Variants in TTYH1 observed in about 807,000 individuals in gnomAD.
The protein encoded by TTYH1 is tweety family member 1, also known as protein tweety homolog 1.
In TTYH1, 33 loss-of-function variants were observed where a neutral mutation model predicts 61.2. That is an observed-to-expected ratio of 0.54 (90% CI 0.41 to 0.72). The LOEUF (loss-of-function observed/expected upper bound fraction) is 0.72, where lower values mean the gene tolerates loss of function less well. TTYH1 is among the 30% of genes least tolerant of loss of function. The pLI is 0.00. For synonymous variants in TTYH1, 308 were observed against 266.4 expected, an observed-to-expected ratio of 1.16 and a Z score of -1.52; for missense variants, 538 against 575.8, an observed-to-expected ratio of 0.93 and a Z score of 0.67.
At position 54,422,170 on chromosome 19, in the gene TTYH1, A is replaced by G. The variant is rs775139253; in HGVS notation, c.418-20A>G. On this transcript the variant is annotated intron_variant, in intron 3 of 13. Coordinates refer to ENST00000376530, the MANE Select transcript of TTYH1 (RefSeq NM_020659.4). ...CCCCCAGGATGTCCTTCCAGACCTC[A>G]GCCCCTGTCCTATCCCCAGGTGTTG... 4.6e-6 allele frequency: 7 copies of G among 1,536,612 alleles called. No homozygotes were observed. The highest frequency in any genetic ancestry group is 6.2e-6 in the Non-Finnish European group (7 of 1,136,558).
intron 10 of TTYH1, 52 bp from the exon 11 acceptor site, chr19:54,435,490 G>T: frequency 6.5e-7 from 1 of 1,547,082 alleles, no homozygotes; most frequent in Non-Finnish European, 8.7e-7. Context: ...CACAGTGTGT[G>T]CCGATGGGGG....
chr19:54,422,261 G>T lies in TTYH1; in HGVS notation c.489G>T (p.Glu163Asp). The T allele has an allele frequency of 1.3e-6, 2 of 1,565,688 alleles. No homozygotes were observed. The highest frequency in any genetic ancestry group is 2.7e-5 in the African/African-American group (2 of 74,490). Reference sequence around the variant, plus strand: ...TGACCACCCTGGAGGAGGTGCTCGAGCCGCGCACGGAGCTGGTGGCTGCCG... The same window carrying T: ...TGACCACCCTGGAGGAGGTGCTCGATCCGCGCACGGAGCTGGTGGCTGCCG... Reference protein sequence around the residue: ...TELTTLEEVLEPRTELVAAAR... With the variant: ...TELTTLEEVLDPRTELVAAAR... The change falls in exon 4 of 14, where the codon GAG becomes GAT. Residue 163 changes from glutamate to aspartate, a missense_variant. This residue lies in a region of TTYH1 where 378 missense variants were observed against 401.2 expected (regional missense o/e 0.94). Coordinates refer to ENST00000376530, the MANE Select transcript of TTYH1 (RefSeq NM_020659.4).
chr19:54,422,516 AGT>A (rs1053004746), intron 4 of TTYH1, 106 bp downstream of exon 4: 33 of 967,402 alleles, frequency 3.4e-5, no homozygotes, highest in Non-Finnish European at 4.9e-5. Context: ...ACAGCTGGGG[AGT>A]GTGTGCGCAC....
At chr19:54,417,763 C>T (rs572923449) in intron 1 of TTYH1, among the ~76,000 whole-genome samples, 143 of 151,986 alleles carry the variant, frequency 9.4e-4, no homozygotes, top group Admixed American at 9.1e-3. Context: ...CATGTGCACA[C>T]ACACACTCAC....
Position 54,416,011 on chromosome 19 carries a change from G to T in TTYH1, c.126+333G>T. ...AGCCGGCCTCCAGGGTCATCGGGAGGGTAGGTCTACTCTTCCTGCCCTAAA... is the reference window on the plus strand; with the variant it reads ...AGCCGGCCTCCAGGGTCATCGGGAGTGTAGGTCTACTCTTCCTGCCCTAAA... On this transcript the variant is annotated intron_variant, in intron 1 of 13. Coordinates refer to ENST00000376530, the MANE Select transcript of TTYH1 (RefSeq NM_020659.4). This position sits in a 1 kb window ranked among gnomAD's most constrained non-coding sequence, Gnocchi z 7.0. The T allele has an allele frequency of 1.5e-6, 2 of 1,336,700 alleles. No homozygotes were observed. Among genetic ancestry groups the T allele is most frequent in the Non-Finnish European group, 2.0e-6 (2 of 1,010,164 alleles). The allele number at this position is 1,336,700 out of a possible 1,614,324, so 82.8% of individuals were successfully genotyped here.
chr19:54,428,909 A>T (rs2083381044), intron 5 of TTYH1, among the ~76,000 whole-genome samples: 1 of 152,098 alleles, frequency 6.6e-6, no homozygotes, highest in African/African-American at 2.4e-5. Context: ...TTCAGATTTC[A>T]GCCCTGGCAC....
chr19:54,429,398 C>T lies in TTYH1; in HGVS notation c.807+19C>T. The T allele has an allele frequency of 6.2e-7, 1 of 1,611,640 alleles. No individual in the cohort carries two copies. Among genetic ancestry groups the T allele is most frequent in the Non-Finnish European group, 8.5e-7 (1 of 1,178,482 alleles). ...GGCCGTGGTGAGTGCCAGGGCCGGG[C>T]CATTGGGCTCTGGGACTCAGGGGGC... On this transcript the variant is annotated intron_variant, in intron 6 of 13. Coordinates refer to ENST00000376530, the MANE Select transcript of TTYH1 (RefSeq NM_020659.4). This position sits in a 1 kb window ranked among gnomAD's most constrained non-coding sequence, Gnocchi z 5.1.
chr19:54,435,761 G>C (rs1470315342), intron 11 of TTYH1, 67 bp from the exon 12 acceptor site: 7 of 1,612,732 alleles, frequency 4.3e-6, no homozygotes, highest in Non-Finnish European at 4.2e-6. Context: ...GGCAGTGGGG[G>C]TGGGGGGTGC....
At chr19:54,418,992 C>A in intron 1 of TTYH1, 136 bp from the exon 2 acceptor site, 1 of 876,714 alleles carries the variant, frequency 1.1e-6, no homozygotes, top group Non-Finnish European at 1.7e-6. Flanking sequence ...CCCAATCTCC[C>A]CCAAGATTAG....
In TTYH1 at chr19:54,420,985, C is replaced by G. The variant is rs184036632; in HGVS notation, c.306-292C>G. On this transcript the variant is annotated intron_variant, in intron 2 of 13. Coordinates refer to ENST00000376530, the MANE Select transcript of TTYH1 (RefSeq NM_020659.4). The surrounding 1 kb of genome is among the most constrained non-coding windows in gnomAD (Gnocchi z 4.8). ...CCCGGAGCTGGGTGTGACTGGGGTT[C>G]TGCTCCAGGGAGGTGCGAGTTAAAT... 3.1e-3 allele frequency among the ~76,000 whole-genome samples: 467 copies of G among 152,198 alleles called. 5 individuals carry two copies. The highest frequency in any genetic ancestry group is 0.011 in the African/African-American group (439 of 41,522).
chr19:54,428,092 T>G (rs1322654536), intron 5 of TTYH1, among the ~76,000 whole-genome samples: 2 of 140,404 alleles, frequency 1.4e-5, no homozygotes, highest in African/African-American at 5.4e-5. Flanking sequence ...TTTTTTTTTT[T>G]TTTTTTTTTT....
rs1192452068 is a variant in TTYH1 at position 54,420,061 on chromosome 19, A to C, written c.305+755A>C. Among the ~76,000 whole-genome samples the C allele has an allele frequency of 6.6e-6, 1 of 152,144 alleles. No homozygotes were observed. The highest frequency in any genetic ancestry group is 1.5e-5 in the Non-Finnish European group (1 of 68,028). On this transcript the variant is annotated intron_variant, in intron 2 of 13. Transcript: ENST00000376530. The surrounding 1 kb of genome is among the most constrained non-coding windows in gnomAD (Gnocchi z 4.8). ...TTCAAGGCCACGTGGCTTAAGAGGC[A>C]GCACAGAGATTCAGACCCAGGTTAG...
At position 54,421,245 on chromosome 19, in the gene TTYH1, G is replaced by A. The variant is rs371973880; in HGVS notation, c.306-32G>A. 2.2e-5 allele frequency: 33 copies of A among 1,510,532 alleles called. 1 individual carries two copies. Among genetic ancestry groups the A allele is most frequent in the South Asian group, 5.6e-5 (5 of 89,030 alleles). The allele number at this position is 1,510,532 out of a possible 1,614,324, so 93.6% of individuals were successfully genotyped here. A position where few individuals can be genotyped will look rare whatever the true frequency, so the allele number is the denominator to read the frequency against. Reference sequence around the variant, plus strand: ...GGTGGCCCCCGGGGTCCTGGGACCCGCTGAGATTCCTCTCCCTCCTCCTCC... The same window carrying A: ...GGTGGCCCCCGGGGTCCTGGGACCCACTGAGATTCCTCTCCCTCCTCCTCC... On this transcript the variant is annotated intron_variant, in intron 2 of 13. Coordinates refer to ENST00000376530, the MANE Select transcript of TTYH1 (RefSeq NM_020659.4). This position sits in a 1 kb window ranked among gnomAD's most constrained non-coding sequence, Gnocchi z 4.8.
rs139152564 is a variant in TTYH1 at position 54,435,561 on chromosome 19, G to A, written c.1145G>A (p.Arg382Gln). The A allele has an allele frequency of 7.2e-4, 1,151 of 1,606,428 alleles. 7 individuals are homozygous for A. The African/African-American group carries it at 0.012, about 17-fold the overall frequency. ...SLHKDYGAALRGLCEDALEGL... is the reference protein window; with the variant it reads ...SLHKDYGAALQGLCEDALEGL... ...CCTCAGGACTATGGTGCAGCCCTGC[G>A]GGGCCTGTGCGAAGACGCCCTGGAA... The change falls in exon 11 of 14, where the codon CGG (arginine) becomes CAG (glutamine). Residue 382 changes from arginine (R) to glutamine (Q), a missense_variant. Arg to Gln is a conservative substitution (Grantham distance 43, BLOSUM62 1). Around this residue, in one of 3 missense-constraint regions of TTYH1, gnomAD observed 378 missense variants for 401.2 expected, o/e 0.94. Coordinates refer to ENST00000376530, the MANE Select transcript of TTYH1 (RefSeq NM_020659.4).
At chr19:54,428,994 G>A (rs2083382160) in intron 5 of TTYH1, among the ~76,000 whole-genome samples, 1 of 152,142 alleles carries the variant, frequency 6.6e-6, no homozygotes, top group African/African-American at 2.4e-5. Context: ...GGGAGCCTTC[G>A]GGGGAAGTGA....
Position 54,421,472 on chromosome 19 carries a change from A to G in TTYH1, c.417+84A>G. ...CAAGGACAAAGGGATCCAAACTCAG[A>G]GCTAAGACCCCAGGCTTGAAGCTTA... is the stretch of plus-strand genomic sequence containing the variant. On this transcript the variant is annotated intron_variant, in intron 3 of 13. Coordinates refer to ENST00000376530, the MANE Select transcript of TTYH1 (RefSeq NM_020659.4). The surrounding 1 kb of genome is among the most constrained non-coding windows in gnomAD (Gnocchi z 4.8). 1 of 923,662 alleles carries G rather than the reference A, an allele frequency of 1.1e-6. No individual in the cohort carries two copies. The highest frequency in any genetic ancestry group is 1.8e-6 in the Non-Finnish European group (1 of 558,796). 57.2% of individuals were successfully genotyped at this position (923,662 alleles called of 1,614,324 possible). A position where few individuals can be genotyped will look rare whatever the true frequency, so the allele number is the denominator to read the frequency against.
rs114029355 is a variant in TTYH1, at chr19:54,417,657, G to C, written c.127-1471G>C. Among the ~76,000 whole-genome samples, 911 of 150,730 alleles carry C rather than the reference G, an allele frequency of 6.0e-3. 10 individuals are homozygous for C. Among genetic ancestry groups the C allele is most frequent in the African/African-American group, 0.021 (859 of 40,812 alleles). ...TATATATGCTTACACACTCATGCAT[G>C]CACCGTCACATACACGTTTATACTC... is the stretch of plus-strand genomic sequence containing the variant. On this transcript the variant is annotated intron_variant, in intron 1 of 13. Transcript: ENST00000376530.
rs370564405 is a variant in TTYH1 at position 54,419,045 on chromosome 19, G to T, written c.127-83G>T. The T allele has an allele frequency of 7.9e-5, 111 of 1,408,506 alleles. No individual in the cohort carries two copies. The African/African-American group carries it at 1.5e-3, about 19-fold the overall frequency. The allele number at this position is 1,408,506 out of a possible 1,614,324, so 87.3% of individuals were successfully genotyped here. A position where few individuals can be genotyped will look rare whatever the true frequency, so the allele number is the denominator to read the frequency against. Reference sequence around the variant, plus strand: ...CCTTCACTCTGACATCCCAGACCCCGACCCCCCAGCCACGCAGGAAGGGGG... The same window carrying T: ...CCTTCACTCTGACATCCCAGACCCCTACCCCCCAGCCACGCAGGAAGGGGG... On this transcript the variant is annotated intron_variant, in intron 1 of 13. Coordinates refer to ENST00000376530, the MANE Select transcript of TTYH1 (RefSeq NM_020659.4). This position sits in a 1 kb window ranked among gnomAD's most constrained non-coding sequence, Gnocchi z 6.1.
Position 54,416,039 on chromosome 19 carries a change from A to G in TTYH1, c.126+361A>G. The G allele has an allele frequency of 7.6e-7, 1 of 1,316,740 alleles. No homozygotes were observed. The allele number at this position is 1,316,740 out of a possible 1,614,324, so 81.6% of individuals were successfully genotyped here. A position where few individuals can be genotyped will look rare whatever the true frequency, so the allele number is the denominator to read the frequency against. ...AGGTCTACTCTTCCTGCCCTAAAAG[A>G]TGACCCTGCCCCACAGGATCAGAGC... On this transcript the variant is annotated intron_variant, in intron 1 of 13. Coordinates refer to ENST00000376530, the MANE Select transcript of TTYH1 (RefSeq NM_020659.4). The surrounding 1 kb of genome is among the most constrained non-coding windows in gnomAD (Gnocchi z 7.0).
Sources: gnomAD v4.1 joint callset for allele counts (sites outside exome capture counted in the v4.1 genomes callset) on GRCh38, gnomAD v4.1.1 for gene constraint, gnomAD v4.1.1 regional missense constraint, Gnocchi (gnomAD v3.1) non-coding constraint, MANE v1.5 for transcripts, NCBI Gene and HGNC (gene_info 2026-07-23, HGNC 2026-07-21) for gene names.